NEBL: variants seen among roughly 807,000 people sequenced by gnomAD.
NEBL encodes the protein nebulette, also known as LIM and SH3 protein 2.
A neutral mutation model predicts 140.2 loss-of-function variants in NEBL; 122 were observed. That is an observed-to-expected ratio of 0.87 (90% CI 0.75 to 1.01). The LOEUF (loss-of-function observed/expected upper bound fraction) is 1.01, where lower values mean the gene tolerates loss of function less well. Among genes scored for constraint, NEBL ranks in the 50% least tolerant of loss-of-function variants. The pLI is 0.00. For synonymous variants in NEBL, 436 were observed against 398.9 expected (o/e 1.09, Z -1.11); for missense variants, 1,365 against 1,231.3 (o/e 1.11, Z -1.62).
chr10:21,146,752 A>C (rs184038726), intron 2 of NEBL, among the ~76,000 whole-genome samples: 2 of 152,226 alleles, frequency 1.3e-5, no homozygotes, highest in Non-Finnish European at 2.9e-5. Context: ...AAGTATTCAC[A>C]AAACTTGGGC....
chr10:21,110,472 A>G (rs1837945315), intron 2 of NEBL, among the ~76,000 whole-genome samples: 2 of 152,092 alleles, frequency 1.3e-5, no homozygotes, highest in South Asian at 4.1e-4. Flanking sequence ...TTTAATATCT[A>G]TACAATCTGT....
intron 3 of NEBL, among the ~76,000 whole-genome samples, chr10:21,218,528 T>C (rs1439983318): frequency 6.6e-6 from 1 of 152,196 alleles, no homozygotes; most frequent in Non-Finnish European, 1.5e-5. Context: ...CTGTGTGGTA[T>C]AATAGATGTA....
At chr10:21,094,611 G>A (rs190115913) in intron 2 of NEBL, among the ~76,000 whole-genome samples, 202 of 152,086 alleles carry the variant, frequency 1.3e-3, no homozygotes, top group African/African-American at 4.5e-3. Flanking sequence ...GAGCCTGGGA[G>A]GCAGAGGTTT....
At chr10:21,214,270 T>C (rs1315133329) in intron 3 of NEBL, among the ~76,000 whole-genome samples, 1 of 150,494 alleles carries the variant, frequency 6.6e-6, no homozygotes, top group Admixed American at 6.6e-5. Flanking sequence ...AAAATTTGTA[T>C]CTTGCACTTA....
At chr10:21,027,436 T>A (rs1353366192) in intron 2 of NEBL, among the ~76,000 whole-genome samples, 1 of 151,816 alleles carries the variant, frequency 6.6e-6, no homozygotes, top group East Asian at 1.9e-4. Context: ...CAGGTGATCC[T>A]CCCATCTCAG....
At position 20,831,503 on chromosome 10, in the gene NEBL, T is replaced by C; in HGVS notation, c.1530A>G (p.Arg510=). The C allele has an allele frequency of 1.2e-6, 2 of 1,612,036 alleles. No homozygotes were observed. The highest frequency in any genetic ancestry group is 1.7e-6 in the Non-Finnish European group (2 of 1,179,132). Residue 510 remains arginine (R), a synonymous_variant, in exon 15 of 28, where the codon AGA becomes AGG. Coordinates refer to ENST00000377122, the MANE Select transcript of NEBL (RefSeq NM_006393.3). ...TGGCCATCTCGGATGCTTTCTTAGC[T>C]CTCTGGACATCAAGAGTGTCTGTGC... ...QVSTDTLDVQ[R]AKKASEMASQ...
chr10:21,190,736 C>T (rs909926200), intron 3 of NEBL, among the ~76,000 whole-genome samples: 1 of 152,172 alleles, frequency 6.6e-6, no homozygotes, highest in African/African-American at 2.4e-5. Flanking sequence ...CAAACTCTTC[C>T]TGATATTGAA....
At chr10:20,927,967 G>T (rs1403097455) in intron 4 of NEBL, among the ~76,000 whole-genome samples, 1 of 152,094 alleles carries the variant, frequency 6.6e-6, no homozygotes, top group African/African-American at 2.4e-5. Flanking sequence ...TTTGCTAGGA[G>T]GTACTTTTAA....
At chr10:21,261,310 T>C (rs560344183) in intron 1 of NEBL, among the ~76,000 whole-genome samples, 8 of 152,278 alleles carry the variant, frequency 5.3e-5, no homozygotes, top group African/African-American at 1.9e-4. Flanking sequence ...CAACCTTCAA[T>C]AATGGACGCT....
rs1834957074 is a variant in NEBL, at chr10:20,780,445, G to C, written c.*5302C>G. 1 of 152,154 alleles carries C rather than the reference G, an allele frequency of 6.6e-6. No homozygotes were observed. The highest frequency in any genetic ancestry group is 1.5e-5 in the Non-Finnish European group (1 of 68,028). The allele number at this position is 152,154 out of a possible 1,614,324, so 9.4% of individuals were successfully genotyped here. ...TAATATTGTTATCACTTACAACTAA[G>C]TTTATTTGGGGGAGGAAAATATCTT... On this transcript the variant is annotated 3_prime_UTR_variant, in exon 28 of 28. Transcript: ENST00000377122.
intron 3 of NEBL, among the ~76,000 whole-genome samples, chr10:21,219,129 A>G (rs1842034956): frequency 6.6e-6 from 1 of 152,248 alleles, no homozygotes; most frequent in Non-Finnish European, 1.5e-5. Context: ...TCAGGCCAAG[A>G]CATCAGCCTT....
At chr10:21,052,658 G>A (rs112236094) in intron 2 of NEBL, among the ~76,000 whole-genome samples, 4 of 152,318 alleles carry the variant, frequency 2.6e-5, no homozygotes, top group African/African-American at 9.6e-5. Flanking sequence ...GCATGATCTT[G>A]AAAGAGCATG....
At chr10:21,283,693 T>C (rs1402764039) in intron 1 of NEBL, among the ~76,000 whole-genome samples, 1 of 152,136 alleles carries the variant, frequency 6.6e-6, no homozygotes, top group Non-Finnish European at 1.5e-5. Context: ...CTGCAGTGAA[T>C]CATATGAATA....
chr10:21,126,177 AGG>A, intron 2 of NEBL: 1 of 1,543,144 alleles, frequency 6.5e-7, no homozygotes, highest in African/African-American at 1.4e-5. Flanking sequence ...CCCCATAGAA[AGG>A]AAAAAAAATA....
chr10:21,200,629 G>T (rs117998117), intron 3 of NEBL, among the ~76,000 whole-genome samples: 1,752 of 152,284 alleles, frequency 0.012, 41 homozygotes, highest in South Asian at 0.025. Flanking sequence ...GGAATTTTAA[G>T]ATGGCCACAA....
intron 3 of NEBL, among the ~76,000 whole-genome samples, chr10:21,014,353 C>T (rs1838473714): frequency 6.6e-6 from 1 of 152,114 alleles, no homozygotes; most frequent in Non-Finnish European, 1.5e-5. Flanking sequence ...AGAGTAAGGG[C>T]CTCATCTGGT....
chr10:20,950,162 G>A (rs1233020375), intron 4 of NEBL, among the ~76,000 whole-genome samples: 1 of 152,184 alleles, frequency 6.6e-6, no homozygotes, highest in African/African-American at 2.4e-5. Context: ...ACTACAAGCC[G>A]CAGGGCATCG....
rs961377917 is a variant in NEBL at position 20,852,459 on chromosome 10, T to C, written c.1008+86A>G. The C allele has an allele frequency of 4.7e-6, 4 of 848,196 alleles. No homozygotes were observed. In the Admixed American group the frequency reaches 6.9e-5, roughly 15 times the overall value. The allele number at this position is 848,196 out of a possible 1,614,324, so 52.5% of individuals were successfully genotyped here. A position where few individuals can be genotyped will look rare whatever the true frequency, so the allele number is the denominator to read the frequency against. ...TTTTCTGCAACTGTACTTTCTCAGTTAAGACGCACGGCAGTGAGCGGCGGG... is the reference window on the plus strand; with the variant it reads ...TTTTCTGCAACTGTACTTTCTCAGTCAAGACGCACGGCAGTGAGCGGCGGG... On this transcript the variant is annotated intron_variant, in intron 10 of 27. Transcript: ENST00000377122.
intron 2 of NEBL, among the ~76,000 whole-genome samples, chr10:21,074,760 G>A (rs555819379): frequency 7.3e-4 from 110 of 151,596 alleles, no homozygotes; most frequent in African/African-American, 2.6e-3. Context: ...TTATAGGCGT[G>A]AGCCACTGCA....
Sources: allele counts gnomAD v4.1 joint callset (sites outside exome capture counted in the v4.1 genomes callset), GRCh38; gene constraint gnomAD v4.1.1; transcripts MANE v1.5; gene names NCBI Gene and HGNC (gene_info 2026-07-23, HGNC 2026-07-21).